The following DPF3 variants were observed in gnomAD, a reference collection of about 807,000 sequenced individuals.
DPF3 encodes double PHD fingers 3, also known as zinc finger protein DPF3.
Under a neutral mutation model 56.8 loss-of-function variants are expected in DPF3, and 18 were observed. That is an observed-to-expected ratio of 0.32 (90% CI 0.22 to 0.47). The LOEUF is 0.47. Among genes scored for constraint, DPF3 ranks in the 20% least tolerant of loss-of-function variants. DPF3 has a pLI of 1.00. For synonymous variants in DPF3, 188 were observed against 180.2 expected (o/e 1.04, Z -0.35); for missense variants, 403 against 488.8 (o/e 0.82, Z 1.65).
At chr14:72,871,309 C>A (rs938353426) in intron 1 of DPF3, among the ~76,000 whole-genome samples, 1 of 152,168 alleles carries the variant, frequency 6.6e-6, no homozygotes, top group Non-Finnish European at 1.5e-5. Flanking sequence ...CATGCCTTCC[C>A]AAAAGTCCCC....
Position 72,673,417 on chromosome 14 carries a change from A to G in DPF3, c.871+823T>C, listed in dbSNP as rs550855779. Reference sequence around the variant, plus strand: ...TGAAATTCCCTCCTCCCTGCCTCACACTGTGGTCTAGTGCTGACATAATAC... The same window carrying G: ...TGAAATTCCCTCCTCCCTGCCTCACGCTGTGGTCTAGTGCTGACATAATAC... On this transcript the variant is annotated intron_variant, in intron 8 of 10. Coordinates refer to ENST00000556509, the MANE Select transcript of DPF3 (RefSeq NM_001280542.3). Among the ~76,000 whole-genome samples, 3 of 152,320 alleles carry G rather than the reference A, an allele frequency of 2.0e-5. No homozygotes were observed. In the South Asian group the frequency reaches 6.2e-4, roughly 32 times the overall value.
Position 72,661,037 on chromosome 14 carries a change from G to A in DPF3, c.871+13203C>T, listed in dbSNP as rs574965390. ...TGGTTGGTCAAGCAAATTTTACAGA[G>A]ATGCTATAGGAGCATTGGAAACAGA... On this transcript the variant is annotated intron_variant, in intron 8 of 10. Transcript: ENST00000556509. 3 of 985,354 alleles carry A rather than the reference G, an allele frequency of 3.0e-6. No individual in the cohort carries two copies. The African/African-American group carries it at 5.2e-5, about 17-fold the overall frequency. 61.0% of individuals were successfully genotyped at this position (985,354 alleles called of 1,614,324 possible). A position where few individuals can be genotyped will look rare whatever the true frequency, so the allele number is the denominator to read the frequency against.
At chr14:72,856,790 G>A (rs753554268) in intron 1 of DPF3, among the ~76,000 whole-genome samples, 26 of 152,162 alleles carry the variant, frequency 1.7e-4, no homozygotes, top group Admixed American at 3.9e-4. Context: ...TTTCACCTGC[G>A]CAGGCTATAT....
intron 8 of DPF3, chr14:72,670,395 G>A: frequency 1.0e-6 from 1 of 986,086 alleles, no homozygotes; most frequent in Non-Finnish European, 1.2e-6. Flanking sequence ...GGCTGGTCAG[G>A]GCCCAGGTGT....
intron 1 of DPF3, among the ~76,000 whole-genome samples, chr14:72,775,985 CA>C (rs772302551): frequency 0.026 from 2,648 of 101,576 alleles, 35 homozygotes; most frequent in African/African-American, 0.064. Context: ...GTATTTCTGC[CA>C]AAAAAAAAAA....
At chr14:72,776,323 C>T (rs1891741515) in intron 1 of DPF3, among the ~76,000 whole-genome samples, 1 of 152,168 alleles carries the variant, frequency 6.6e-6, no homozygotes, top group South Asian at 2.1e-4. Context: ...AATTGCTGGG[C>T]TCCCCAGGCT....
chr14:72,881,870 A>T (rs1042216380), intron 1 of DPF3, among the ~76,000 whole-genome samples: 4 of 152,108 alleles, frequency 2.6e-5, no homozygotes, highest in Non-Finnish European at 5.9e-5. Context: ...CTTAAGTTTC[A>T]TGTTTTATTA....
intron 6 of DPF3, among the ~76,000 whole-genome samples, chr14:72,708,384 C>T (rs1244282592): frequency 2.6e-5 from 4 of 152,172 alleles, no homozygotes; most frequent in Non-Finnish European, 5.9e-5. Flanking sequence ...CCCCGCTCCA[C>T]AAATCAAGTT....
intron 6 of DPF3, among the ~76,000 whole-genome samples, 169 bp from the exon 7 acceptor site, chr14:72,693,382 C>G (rs968753259): frequency 6.6e-6 from 1 of 152,154 alleles, no homozygotes; most frequent in East Asian, 1.9e-4. Flanking sequence ...AGAACCAACA[C>G]CCTTGTAACA....
chr14:72,823,401 G>T (rs913387194), intron 1 of DPF3, among the ~76,000 whole-genome samples: 3 of 152,342 alleles, frequency 2.0e-5, no homozygotes, highest in Middle Eastern at 3.4e-3. Context: ...CAGCATGCAA[G>T]GACATGGCGG....
At chr14:72,842,842 C>T (rs1420981513) in intron 1 of DPF3, among the ~76,000 whole-genome samples, 2 of 151,834 alleles carry the variant, frequency 1.3e-5, no homozygotes, top group Non-Finnish European at 2.9e-5. Flanking sequence ...GCCAACATGG[C>T]GAAACCCTGT....
chr14:72,662,222 A>T, intron 8 of DPF3: 1 of 985,360 alleles, frequency 1.0e-6, no homozygotes, highest in Non-Finnish European at 1.2e-6. Flanking sequence ...AAGCACATAC[A>T]TGAATGGCTT....
intron 3 of DPF3, among the ~76,000 whole-genome samples, chr14:72,752,807 G>T (rs1890633604): frequency 6.6e-6 from 1 of 152,164 alleles, no homozygotes; most frequent in African/African-American, 2.4e-5. Flanking sequence ...TTAGTGAATT[G>T]GCCCCTTTTT....
At chr14:72,812,448 T>C (rs921180494) in intron 1 of DPF3, among the ~76,000 whole-genome samples, 3 of 151,820 alleles carry the variant, frequency 2.0e-5, no homozygotes, top group African/African-American at 7.3e-5. Flanking sequence ...GGTTGGTATT[T>C]TGGGAGCTGG....
At chr14:72,759,645 ATTTGATGAAAAC>A (rs1056503305) in intron 2 of DPF3, among the ~76,000 whole-genome samples, 2 of 152,166 alleles carry the variant, frequency 1.3e-5, no homozygotes, top group Admixed American at 1.3e-4. Flanking sequence ...AATTTCTGAA[ATTTGATGAAAAC>A]TATAAACCCA....
chr14:72,622,772 C>A (rs1884538255), intron 9 of DPF3, among the ~76,000 whole-genome samples: 1 of 152,058 alleles, frequency 6.6e-6, no homozygotes, highest in African/African-American at 2.4e-5. Flanking sequence ...ACAGTTCCAG[C>A]AGAATGGGAA....
chr14:72,881,542 A>G (rs1294909809), intron 1 of DPF3, among the ~76,000 whole-genome samples: 2 of 152,170 alleles, frequency 1.3e-5, no homozygotes, highest in Non-Finnish European at 2.9e-5. Flanking sequence ...TGGGGGTAGG[A>G]GGAAAAGGGG....
chr14:72,710,765 T>C (rs1888620870), intron 6 of DPF3, among the ~76,000 whole-genome samples: 1 of 152,228 alleles, frequency 6.6e-6, no homozygotes, highest in Admixed American at 6.5e-5. Context: ...GAAACACTTT[T>C]CCTTAAGCAA....
chr14:72,781,237 G>A (rs1891957291), intron 1 of DPF3, among the ~76,000 whole-genome samples: 1 of 152,236 alleles, frequency 6.6e-6, no homozygotes, highest in South Asian at 2.1e-4. Flanking sequence ...CTAACCTGCA[G>A]CAGACTAATC....
Sources: allele counts gnomAD v4.1 joint callset (sites outside exome capture counted in the v4.1 genomes callset), GRCh38; gene constraint gnomAD v4.1.1; transcripts MANE v1.5; gene names NCBI Gene and HGNC (gene_info 2026-07-23, HGNC 2026-07-21).